Variants in PDE9A observed in about 807,000 individuals in gnomAD.
PDE9A encodes phosphodiesterase 9A, also known as high affinity cGMP-specific 3',5'-cyclic phosphodiesterase 9A.
Under a neutral mutation model 87.4 loss-of-function variants are expected in PDE9A, and 60 were observed. The observed-to-expected ratio is 0.69, with a 90% confidence interval of 0.56 to 0.85. The LOEUF is 0.85. Among genes scored for constraint, PDE9A ranks in the 40% least tolerant of loss-of-function variants. PDE9A has a pLI of 0.00. For synonymous variants in PDE9A, 272 were observed against 279.4 expected, an observed-to-expected ratio of 0.97 and a Z score of 0.27; for missense variants, 665 against 779.0, an observed-to-expected ratio of 0.85 and a Z score of 1.74.
At chr21:42,679,350 A>G (rs1241125521) in intron 1 of PDE9A, among the ~76,000 whole-genome samples, 2 of 131,056 alleles carry the variant, frequency 1.5e-5, no homozygotes, top group African/African-American at 5.7e-5. Flanking sequence ...CCTCCCGCCC[A>G]GCTCACACTG....
At chr21:42,726,149 C>T (rs530024587) in intron 4 of PDE9A, among the ~76,000 whole-genome samples, 161 of 152,150 alleles carry the variant, frequency 1.1e-3, no homozygotes, top group Non-Finnish European at 1.5e-3. Flanking sequence ...TGCCCGCTTT[C>T]AAGTTGGCTG....
At chr21:42,768,852 GCT>G (rs1196941834) in intron 16 of PDE9A, 173 bp from the exon 17 acceptor site, 1 of 985,138 alleles carries the variant, frequency 1.0e-6, no homozygotes, top group Non-Finnish European at 1.2e-6. Context: ...TGCACGCCCA[GCT>G]CTGTTTAGCA....
chr21:42,742,893 CTTAGGAGCAAT>C (rs2053463471), intron 7 of PDE9A, among the ~76,000 whole-genome samples: 1 of 152,134 alleles, frequency 6.6e-6, no homozygotes, highest in African/African-American at 2.4e-5. Context: ...AAGCGCTGAT[CTTAGGAGCAAT>C]TTAGGGAGGG....
chr21:42,684,490 G>GA (rs930592595), intron 1 of PDE9A, among the ~76,000 whole-genome samples: 1 of 152,368 alleles, frequency 6.6e-6, no homozygotes, highest in Non-Finnish European at 1.5e-5. Flanking sequence ...TGCCATGGTA[G>GA]AAGTGAGGGC....
At chr21:42,772,093 C>T (rs768198467) in intron 18 of PDE9A, among the ~76,000 whole-genome samples, 11 of 149,366 alleles carry the variant, frequency 7.4e-5, no homozygotes, top group Non-Finnish European at 1.3e-4. Context: ...AGGCCTCTGC[C>T]TTCCCCCCTG....
In PDE9A at chr21:42,722,081, T is replaced by C. The variant is rs1318982751; in HGVS notation, c.263-9689T>C. Reference sequence around the variant, plus strand: ...ACCTCCGACTCCCTGGTTCAAGTGATTCTCCTGCCTCAGCCTCCCGAGTAG... The same window carrying C: ...ACCTCCGACTCCCTGGTTCAAGTGACTCTCCTGCCTCAGCCTCCCGAGTAG... On this transcript the variant is annotated intron_variant, in intron 4 of 19. Coordinates refer to ENST00000291539, the MANE Select transcript of PDE9A (RefSeq NM_002606.3). The surrounding 1 kb of genome is among the most constrained non-coding windows in gnomAD (Gnocchi z 4.1). 1.3e-5 allele frequency among the ~76,000 whole-genome samples: 2 copies of C among 152,074 alleles called. No individual in the cohort carries two copies. Among genetic ancestry groups the C allele is most frequent in the African/African-American group, 4.8e-5 (2 of 41,396 alleles).
chr21:42,761,951 G>A (rs2055822759), intron 13 of PDE9A, 132 bp from the exon 14 acceptor site: 1 of 859,234 alleles, frequency 1.2e-6, no homozygotes, highest in Non-Finnish European at 1.8e-6. Context: ...CAGGGCACAG[G>A]CAGCTCCCCC....
intron 4 of PDE9A, among the ~76,000 whole-genome samples, chr21:42,714,145 A>G (rs960566758): frequency 9.9e-5 from 15 of 151,066 alleles, no homozygotes; most frequent in Non-Finnish European, 1.9e-4. Flanking sequence ...CAGCCTCCCA[A>G]GTAGCTGGGA....
chr21:42,718,737 C>A (rs959978037), intron 4 of PDE9A, among the ~76,000 whole-genome samples: 1 of 151,770 alleles, frequency 6.6e-6, no homozygotes, highest in Non-Finnish European at 1.5e-5. Flanking sequence ...CTCGTTTGCT[C>A]ATTTTGGCAT....
chr21:42,718,092 GA>G (rs1172964571), intron 4 of PDE9A, among the ~76,000 whole-genome samples: 1 of 150,776 alleles, frequency 6.6e-6, no homozygotes, highest in Non-Finnish European at 1.5e-5. Flanking sequence ...GTAGAGACAG[GA>G]TTTCACCATG....
rs368397033 is a variant in PDE9A at position 42,760,311 on chromosome 21, C to A, written c.898-17C>A. 10 of 1,514,028 alleles carry A rather than the reference C, an allele frequency of 6.6e-6. No homozygotes were observed. The highest frequency in any genetic ancestry group is 1.1e-5 in the South Asian group (1 of 89,754). 93.8% of individuals were successfully genotyped at this position (1,514,028 alleles called of 1,614,324 possible). A position where few individuals can be genotyped will look rare whatever the true frequency, so the allele number is the denominator to read the frequency against. On this transcript the variant is annotated splice_polypyrimidine_tract_variant and intron_variant, in intron 11 of 19. Coordinates refer to ENST00000291539, the MANE Select transcript of PDE9A (RefSeq NM_002606.3). The surrounding 1 kb of genome is among the most constrained non-coding windows in gnomAD (Gnocchi z 5.2). Reference sequence around the variant, plus strand: ...GGGCCCAGGCACAGGGTGACTCGGACCCCCTGCCTCCCGCAGTTCTGCGTC... The same window carrying A: ...GGGCCCAGGCACAGGGTGACTCGGAACCCCTGCCTCCCGCAGTTCTGCGTC...
intron 3 of PDE9A, among the ~76,000 whole-genome samples, chr21:42,690,678 T>A (rs186349137): frequency 6.6e-6 from 1 of 152,084 alleles, no homozygotes; most frequent in African/African-American, 2.4e-5. Context: ...AGCTCTGACC[T>A]CCCTGCCTCC....
intron 1 of PDE9A, among the ~76,000 whole-genome samples, chr21:42,657,216 C>T (rs1041919840): frequency 3.3e-5 from 5 of 152,222 alleles, no homozygotes; most frequent in Non-Finnish European, 7.4e-5. Flanking sequence ...GGACAGCCTC[C>T]ACCCAGCCAG....
rs749786536 is a variant in PDE9A, at chr21:42,653,917, C to T, written c.69+34C>T. The T allele has an allele frequency of 2.3e-5, 30 of 1,302,346 alleles. No individual in the cohort carries two copies. In the South Asian group the frequency reaches 2.5e-4, roughly 11 times the overall value. The allele number at this position is 1,302,346 out of a possible 1,614,324, so 80.7% of individuals were successfully genotyped here. A position where few individuals can be genotyped will look rare whatever the true frequency, so the allele number is the denominator to read the frequency against. ...TCCCCCACCCAGACACCCCCTCCTC[C>T]CCCCGGGTGACAGCGCCGGGGCCGG... is the stretch of plus-strand genomic sequence containing the variant. On this transcript the variant is annotated intron_variant, in intron 1 of 19. Coordinates refer to ENST00000291539, the MANE Select transcript of PDE9A (RefSeq NM_002606.3).
At chr21:42,766,024 G>C (rs1177441302) in intron 15 of PDE9A, among the ~76,000 whole-genome samples, 1 of 152,172 alleles carries the variant, frequency 6.6e-6, no homozygotes, top group African/African-American at 2.4e-5. Context: ...GAAAGGACAG[G>C]CACTGGGCAC....
intron 9 of PDE9A, among the ~76,000 whole-genome samples, chr21:42,752,469 G>A (rs35341180): frequency 0.033 from 5,026 of 151,954 alleles, 115 homozygotes; most frequent in South Asian, 0.064. Flanking sequence ...GTGTTTCACC[G>A]TGTTGGCCAG....
intron 4 of PDE9A, among the ~76,000 whole-genome samples, chr21:42,711,760 C>G (rs780266402): frequency 6.6e-6 from 1 of 152,084 alleles, no homozygotes; most frequent in Non-Finnish European, 1.5e-5. Context: ...TAGAGACTGC[C>G]ATTCATTTTC....
chr21:42,712,321 T>C (rs1057007007), intron 4 of PDE9A, among the ~76,000 whole-genome samples: 4 of 152,230 alleles, frequency 2.6e-5, no homozygotes, highest in African/African-American at 9.6e-5. Context: ...AATTTTCCAA[T>C]TGTTTGCTGC....
In PDE9A at chr21:42,659,949, C is replaced by A. The variant is rs913742286; in HGVS notation, c.69+6066C>A. 6.6e-6 allele frequency among the ~76,000 whole-genome samples: 1 copy of A among 152,296 alleles called. No homozygotes were observed. The highest frequency in any genetic ancestry group is 1.9e-4 in the East Asian group (1 of 5,172). ...ATGCAAATGAGAGATGAAACGGGGA[C>A]GAGCCGGGCAGCTGATCTCAGTGCA... On this transcript the variant is annotated intron_variant, in intron 1 of 19. Transcript: ENST00000291539. This position sits in a 1 kb window ranked among gnomAD's most constrained non-coding sequence, Gnocchi z 4.1.
Sources: gnomAD v4.1 joint callset for allele counts (sites outside exome capture counted in the v4.1 genomes callset) on GRCh38, gnomAD v4.1.1 for gene constraint, Gnocchi (gnomAD v3.1) non-coding constraint, MANE v1.5 for transcripts, NCBI Gene and HGNC (gene_info 2026-07-23, HGNC 2026-07-21) for gene names.